Variants in WWOX observed in about 807,000 individuals in gnomAD.
The protein encoded by WWOX is WW domain containing oxidoreductase.
In WWOX, 69 loss-of-function variants were observed where a neutral mutation model predicts 46.2. The ratio of observed to expected loss-of-function variants is 1.49; its 90% confidence interval spans 1.23 to 1.82. The LOEUF is 1.82. Ranked by LOEUF, WWOX falls within the 40% of genes most tolerant of loss-of-function variation. The pLI, the probability that WWOX is intolerant of heterozygous loss-of-function variation, is 0.00. For synonymous variants in WWOX, 359 were observed against 202.6 expected (o/e 1.77, Z -6.56); for missense variants, 919 against 542.6 (o/e 1.69, Z -6.89).
chr16:78,227,708 C>T (rs746943622), intron 5 of WWOX, among the ~76,000 whole-genome samples: 1 of 151,994 alleles, frequency 6.6e-6, no homozygotes, highest in East Asian at 1.9e-4. Flanking sequence ...GAAACCCTGT[C>T]TCTACTAAAA....
intron 8 of WWOX, among the ~76,000 whole-genome samples, chr16:78,771,918 T>G (rs1370396216): frequency 1.3e-5 from 2 of 152,216 alleles, no homozygotes; most frequent in African/African-American, 4.8e-5. Context: ...TGTACTACAA[T>G]AAAAACCATT....
At chr16:78,818,042 C>G (rs1452756752) in intron 8 of WWOX, among the ~76,000 whole-genome samples, 2 of 152,170 alleles carry the variant, frequency 1.3e-5, no homozygotes, top group African/African-American at 4.8e-5. Flanking sequence ...CAGCAAGGGT[C>G]TCAGTCAACC....
At chr16:78,529,311 T>C (rs1031666786) in intron 8 of WWOX, among the ~76,000 whole-genome samples, 4 of 152,176 alleles carry the variant, frequency 2.6e-5, no homozygotes, top group Non-Finnish European at 4.4e-5. Context: ...GTGGCCTCTT[T>C]ATCAAATGCA....
chr16:79,093,671 G>C (rs765270171), intron 8 of WWOX, among the ~76,000 whole-genome samples: 1 of 152,154 alleles, frequency 6.6e-6, no homozygotes, highest in Non-Finnish European at 1.5e-5. Context: ...CACACTTCCT[G>C]TCGAGGCACA....
intron 8 of WWOX, among the ~76,000 whole-genome samples, chr16:79,076,474 A>G (rs1390643343): frequency 6.6e-6 from 1 of 152,206 alleles, no homozygotes; most frequent in Admixed American, 6.5e-5. Flanking sequence ...ATTCAAAAAA[A>G]TGCTGCTGGC....
At chr16:78,788,571 C>T (rs1350924439) in intron 8 of WWOX, among the ~76,000 whole-genome samples, 2 of 152,154 alleles carry the variant, frequency 1.3e-5, no homozygotes, top group South Asian at 2.1e-4. Context: ...AGCGTGGCTG[C>T]CTAGGAAGGG....
intron 8 of WWOX, among the ~76,000 whole-genome samples, chr16:78,939,701 T>C (rs369406036): frequency 2.5e-4 from 38 of 152,372 alleles, no homozygotes; most frequent in African/African-American, 8.7e-4. Context: ...GTTTGGGCTT[T>C]GTAGGTACCC....
At chr16:79,081,247 T>A (rs2150582254) in intron 8 of WWOX, among the ~76,000 whole-genome samples, 1 of 152,290 alleles carries the variant, frequency 6.6e-6, no homozygotes. Context: ...CACTGCAACT[T>A]CTGCCTCCCG....
chr16:78,428,499 C>G (rs370883931), intron 7 of WWOX, among the ~76,000 whole-genome samples: 2 of 152,184 alleles, frequency 1.3e-5, no homozygotes, highest in South Asian at 2.1e-4. Flanking sequence ...AGAGAGAGTG[C>G]CTGATACGTA....
intron 4 of WWOX, among the ~76,000 whole-genome samples, chr16:78,122,516 A>G (rs1294149100): frequency 1.3e-5 from 2 of 152,216 alleles, no homozygotes; most frequent in African/African-American, 4.8e-5. Context: ...TGTTTTACTT[A>G]AAACCCAATT....
chr16:78,589,066 G>A (rs1408767106), intron 8 of WWOX, among the ~76,000 whole-genome samples: 1 of 152,208 alleles, frequency 6.6e-6, no homozygotes, highest in Non-Finnish European at 1.5e-5. Flanking sequence ...TCAGTTACCT[G>A]TAGATTCTCC....
chr16:78,551,075 T>C (rs1043317563), intron 8 of WWOX: 45 of 152,086 alleles, frequency 3.0e-4, no homozygotes, highest in Admixed American at 2.9e-3. Context: ...ATGAAACAAA[T>C]ATCATGAATA....
At chr16:78,605,606 T>A (rs1334232402) in intron 8 of WWOX, among the ~76,000 whole-genome samples, 16 of 152,182 alleles carry the variant, frequency 1.1e-4, no homozygotes, top group Admixed American at 1.0e-3. Context: ...GCAACCTAAT[T>A]AACAACCCAA....
chr16:78,477,141 C>A (rs1321152269), intron 8 of WWOX, among the ~76,000 whole-genome samples: 1 of 152,150 alleles, frequency 6.6e-6, no homozygotes, highest in Non-Finnish European at 1.5e-5. Context: ...GCACGTCTTA[C>A]AATCTAAATA....
intron 8 of WWOX, among the ~76,000 whole-genome samples, chr16:78,839,400 G>A (rs73577492): frequency 5.3e-5 from 8 of 152,148 alleles, no homozygotes; most frequent in African/African-American, 1.9e-4. Flanking sequence ...GCTGAAACTT[G>A]TTGGTTTGGC....
chr16:79,010,762 C>G (rs866726949), intron 8 of WWOX, among the ~76,000 whole-genome samples: 5 of 137,820 alleles, frequency 3.6e-5, no homozygotes, highest in Admixed American at 3.2e-4. Flanking sequence ...GACATGGACC[C>G]GATGCTGCCA....
chr16:78,781,834 G>A (rs1003870890), intron 8 of WWOX, among the ~76,000 whole-genome samples: 3 of 152,178 alleles, frequency 2.0e-5, no homozygotes, highest in African/African-American at 4.8e-5. Context: ...TAATGATGAC[G>A]ATGATGGTAG....
chr16:78,892,659 A>G (rs537156619), intron 8 of WWOX, among the ~76,000 whole-genome samples: 20 of 152,352 alleles, frequency 1.3e-4, no homozygotes, highest in African/African-American at 4.1e-4. Context: ...AAGCAAAACA[A>G]TTAGGCCAGC....
intron 8 of WWOX, among the ~76,000 whole-genome samples, chr16:78,684,186 C>G (rs936704726): frequency 1.3e-5 from 2 of 152,202 alleles, no homozygotes; most frequent in South Asian, 4.1e-4. Context: ...GCGCAGAAAT[C>G]CACTGGCATG....
Sources: allele counts gnomAD v4.1 joint callset (sites outside exome capture counted in the v4.1 genomes callset), GRCh38; gene constraint gnomAD v4.1.1; transcripts MANE v1.5; gene names NCBI Gene and HGNC (gene_info 2026-07-23, HGNC 2026-07-21).